Variants in ELF1 observed in about 807,000 individuals in gnomAD.
The protein encoded by ELF1 is ETS-related transcription factor Elf-1.
A neutral mutation model predicts 59.9 loss-of-function variants in ELF1; 24 were observed. The ratio of observed to expected loss-of-function variants is 0.40; its 90% confidence interval spans 0.29 to 0.56. ELF1 has a LOEUF of 0.56. ELF1 is among the 20% of genes least tolerant of loss of function. The pLI, the probability that ELF1 is intolerant of heterozygous loss-of-function variation, is 0.44. For missense variants in ELF1, 627 were observed against 742.2 expected, an observed-to-expected ratio of 0.84 and a Z score of 1.80; for synonymous variants, 248 against 266.2, an observed-to-expected ratio of 0.93 and a Z score of 0.67.
At chr13:40,936,682 A>G (rs1593346327) in intron 8 of ELF1, among the ~76,000 whole-genome samples, 1 of 146,612 alleles carries the variant, frequency 6.8e-6, no homozygotes, top group Admixed American at 7.3e-5. Flanking sequence ...AATGGCGTGA[A>G]CCTGGGAGGC....
chr13:41,057,967 T>C (rs778107868), intron 1 of ELF1, among the ~76,000 whole-genome samples: 14 of 152,236 alleles, frequency 9.2e-5, no homozygotes, highest in Non-Finnish European at 1.8e-4. Context: ...TTCATTCCTA[T>C]AAAGTGAATT....
At chr13:40,951,501 A>G (rs911059037) in intron 3 of ELF1, 65 bp from the exon 4 acceptor site, 37 of 1,254,950 alleles carry the variant, frequency 2.9e-5, no homozygotes, top group Admixed American at 7.1e-5. Context: ...AAAGTCATAC[A>G]CCGCTTATCT....
chr13:40,955,330 G>A (rs1218713529), intron 3 of ELF1, among the ~76,000 whole-genome samples: 1 of 145,176 alleles, frequency 6.9e-6, no homozygotes, highest in Non-Finnish European at 1.5e-5. Flanking sequence ...AGGTGGGGGG[G>A]TTAGCCCCCC....
chr13:40,982,227 T>C lies in ELF1; in HGVS notation c.-173A>G. ...CTTCAGTTTTCCTGGTTCATTGATA[T>C]TCTAGTCAAATTGAGACAATTTTTC... On this transcript the variant is annotated 5_prime_UTR_variant, in exon 2 of 9. Transcript: ENST00000239882. 1.5e-6 allele frequency: 2 copies of C among 1,293,714 alleles called. No homozygotes were observed. The highest frequency in any genetic ancestry group is 3.0e-5 in the East Asian group (1 of 33,386). 80.1% of individuals were successfully genotyped at this position (1,293,714 alleles called of 1,614,324 possible). A position where few individuals can be genotyped will look rare whatever the true frequency, so the allele number is the denominator to read the frequency against.
chr13:40,995,809 G>T lies in ELF1; in HGVS notation c.-228-13527C>A, dbSNP rs560505435. ...AAAAATCTAGATGCATGTGGGTTTG[G>T]TGATGACTTTTTATAGATACCAAAT... is the stretch of plus-strand genomic sequence containing the variant. On this transcript the variant is annotated intron_variant, in intron 1 of 8. Coordinates refer to ENST00000239882, the MANE Select transcript of ELF1 (RefSeq NM_172373.4). Among the ~76,000 whole-genome samples the T allele has an allele frequency of 3.3e-5, 5 of 152,246 alleles. No homozygotes were observed. In the East Asian group the frequency reaches 9.6e-4, roughly 29 times the overall value.
At chr13:40,946,221 TTTTA>T (rs1870501431) in intron 5 of ELF1, among the ~76,000 whole-genome samples, 1 of 152,202 alleles carries the variant, frequency 6.6e-6, no homozygotes, top group Admixed American at 6.5e-5. Flanking sequence ...GATATTAGCC[TTTTA>T]TTTTTTAAGC....
chr13:41,041,400 C>G (rs1876604452), intron 1 of ELF1, among the ~76,000 whole-genome samples: 1 of 152,038 alleles, frequency 6.6e-6, no homozygotes, highest in Admixed American at 6.6e-5. Flanking sequence ...CATCCAGAGC[C>G]AGGTGCAGTG....
At chr13:41,061,141 C>G (rs1877595489) in exon 1 of ELF1, 2 of 193,678 alleles carry the variant, frequency 1.0e-5, no homozygotes, top group South Asian at 1.6e-4. Flanking sequence ...CCCACAGGTC[C>G]CGGTTGCTCC....
intron 1 of ELF1, among the ~76,000 whole-genome samples, chr13:41,053,988 G>C (rs1047549192): frequency 2.0e-5 from 3 of 151,974 alleles, no homozygotes; most frequent in African/African-American, 7.3e-5. Context: ...AGGGTGTGGG[G>C]GGATGTTTGA....
rs751019407 is a variant in ELF1, at chr13:40,943,106, G to T, written c.652C>A (p.Leu218Ile). ...TTAGGACAAGTAGCCTTGTCCTGGA[G>T]CAGTGCCAGTAAAAACTCCCAAAGA... ...IYLWEFLLALLQDKATCPKYI... is the reference protein window; with the variant it reads ...IYLWEFLLALIQDKATCPKYI... Residue 218 changes from leucine (L) to isoleucine (I), a missense_variant, in exon 7 of 9, where the codon CTC becomes ATC. This residue lies in a region of ELF1 where 232 missense variants were observed against 269.2 expected (regional missense o/e 0.86). Coordinates refer to ENST00000239882, the MANE Select transcript of ELF1 (RefSeq NM_172373.4). 6.4e-7 allele frequency: 1 copy of T among 1,563,078 alleles called. No individual in the cohort carries two copies.
In ELF1 at chr13:40,955,938, G is replaced by C. The variant is rs539057322; in HGVS notation, c.253+2898C>G. Among the ~76,000 whole-genome samples the C allele has an allele frequency of 1.3e-3, 115 of 89,014 alleles. 7 individuals carry two copies. The East Asian group carries it at 0.026, about 20-fold the overall frequency. 58.4% of individuals were successfully genotyped at this position (89,014 alleles called of 152,430 possible). On this transcript the variant is annotated intron_variant, in intron 3 of 8. Transcript: ENST00000239882. ...CCCCGCCCGGCCAGCCGCCCCGTCC[G>C]GGAGGGAGGCGGGGGGGTCAGCCCC...
At chr13:40,947,298 C>T (rs1244739813) in intron 5 of ELF1, among the ~76,000 whole-genome samples, 1 of 152,158 alleles carries the variant, frequency 6.6e-6, no homozygotes, top group East Asian at 1.9e-4. Flanking sequence ...AATCCCAGCA[C>T]TTGGGAGGTC....
chr13:41,032,111 C>A (rs1367990491), intron 1 of ELF1, among the ~76,000 whole-genome samples: 4 of 152,070 alleles, frequency 2.6e-5, no homozygotes, highest in East Asian at 1.9e-4. Flanking sequence ...AAGACAACTA[C>A]CTTTGTCATT....
chr13:40,964,850 T>G (rs1231046961), intron 2 of ELF1, among the ~76,000 whole-genome samples: 1 of 152,106 alleles, frequency 6.6e-6, no homozygotes, highest in Non-Finnish European at 1.5e-5. Flanking sequence ...TTCCCCTTTT[T>G]ATAAGGACAC....
At chr13:41,031,157 A>G (rs991255032) in intron 1 of ELF1, among the ~76,000 whole-genome samples, 1 of 140,496 alleles carries the variant, frequency 7.1e-6, no homozygotes, top group African/African-American at 2.6e-5. Context: ...AGACCCTATT[A>G]AAAAAAAAAA....
chr13:40,950,719 A>C (rs879411027), intron 4 of ELF1, among the ~76,000 whole-genome samples: 39 of 152,374 alleles, frequency 2.6e-4, no homozygotes, highest in Admixed American at 1.7e-3. Flanking sequence ...AGTTATTTAC[A>C]TAAGTAACTG....
chr13:40,955,391 C>T (rs1460344008), intron 3 of ELF1, among the ~76,000 whole-genome samples: 1 of 143,266 alleles, frequency 7.0e-6, no homozygotes, highest in Non-Finnish European at 1.6e-5. Flanking sequence ...CATCCCCCTG[C>T]CCGGCCAGCT....
At chr13:40,943,186 T>C (rs1466625832) in intron 6 of ELF1, 42 bp from the exon 7 acceptor site, 2 of 1,439,270 alleles carry the variant, frequency 1.4e-6, no homozygotes, top group Non-Finnish European at 1.8e-6. Flanking sequence ...CAAAATTTCA[T>C]TTAAAAGAAC....
intron 1 of ELF1, among the ~76,000 whole-genome samples, chr13:41,049,672 T>C (rs999172627): frequency 2.6e-5 from 4 of 152,150 alleles, no homozygotes; most frequent in African/African-American, 7.2e-5. Flanking sequence ...TCTTCCCTTT[T>C]CTCCCTTTCT....
Sources: allele counts gnomAD v4.1 joint callset (sites outside exome capture counted in the v4.1 genomes callset), GRCh38; gene constraint gnomAD v4.1.1; regional missense constraint gnomAD v4.1.1; transcripts MANE v1.5; gene names NCBI Gene and HGNC (gene_info 2026-07-23, HGNC 2026-07-21).